DLG2: variants seen among roughly 807,000 people sequenced by gnomAD.
DLG2 encodes the protein discs large MAGUK scaffold protein 2.
DLG2 carries 45 observed loss-of-function variants against 132.5 expected under a neutral mutation model. That is an observed-to-expected ratio of 0.34 (90% CI 0.27 to 0.44). The LOEUF (loss-of-function observed/expected upper bound fraction) is 0.44. DLG2 is among the 20% of genes least tolerant of loss of function. The pLI is 1.00. For missense variants in DLG2, 1,045 were observed against 1,196.9 expected, an observed-to-expected ratio of 0.87 and a Z score of 1.87; for synonymous variants, 424 against 419.6, an observed-to-expected ratio of 1.01 and a Z score of -0.13.
At chr11:84,751,354 G>A (rs1444036005) in intron 6 of DLG2, among the ~76,000 whole-genome samples, 1 of 152,006 alleles carries the variant, frequency 6.6e-6, no homozygotes, top group Non-Finnish European at 1.5e-5. Context: ...AAGAAACCAA[G>A]GTTCACAAAG....
intron 21 of DLG2, among the ~76,000 whole-genome samples, chr11:83,510,463 C>T (rs560532281): frequency 1.3e-5 from 2 of 152,268 alleles, no homozygotes; most frequent in African/African-American, 2.4e-5. Context: ...ATAATTCTCA[C>T]TTCTTCCTAC....
intron 6 of DLG2, among the ~76,000 whole-genome samples, chr11:84,714,195 C>G (rs1437074716): frequency 7.0e-6 from 1 of 143,620 alleles, no homozygotes; most frequent in East Asian, 2.0e-4. Flanking sequence ...AAAACATATA[C>G]CAAAATGGTC....
intron 12 of DLG2, among the ~76,000 whole-genome samples, chr11:83,969,813 T>C (rs1217134477): frequency 5.3e-5 from 8 of 152,132 alleles, no homozygotes; most frequent in Admixed American, 3.9e-4. Context: ...CCTCAGGTGA[T>C]TCACCCACCT....
At chr11:85,059,177 G>A (rs608647) in intron 6 of DLG2, among the ~76,000 whole-genome samples, 32,236 of 150,676 alleles carry the variant, frequency 0.21, 4,006 homozygotes, top group East Asian at 0.61. Flanking sequence ...AACCCAGACC[G>A]ATAAATATAT....
intron 9 of DLG2, among the ~76,000 whole-genome samples, chr11:84,151,066 T>G (rs943470655): frequency 1.3e-5 from 2 of 152,050 alleles, no homozygotes; most frequent in African/African-American, 2.4e-5. Context: ...TGGCTTGAAG[T>G]TGTCTTTTTT....
At chr11:83,795,495 T>C (rs1399520072) in intron 17 of DLG2, among the ~76,000 whole-genome samples, 1 of 152,050 alleles carries the variant, frequency 6.6e-6, no homozygotes, top group Non-Finnish European at 1.5e-5. Flanking sequence ...CATACACATA[T>C]ATATTCCATA....
chr11:83,627,337 T>G (rs1325541031), intron 19 of DLG2, among the ~76,000 whole-genome samples: 1 of 152,064 alleles, frequency 6.6e-6, no homozygotes, highest in Non-Finnish European at 1.5e-5. Flanking sequence ...TAGGTATATC[T>G]CCTAATGCTA....
At chr11:83,745,964 G>A (rs965711490) in intron 18 of DLG2, among the ~76,000 whole-genome samples, 3 of 152,126 alleles carry the variant, frequency 2.0e-5, no homozygotes, top group African/African-American at 4.8e-5. Context: ...GCAGCCAACA[G>A]ACACATGAAA....
At chr11:83,768,706 T>G (rs569143853) in intron 18 of DLG2, among the ~76,000 whole-genome samples, 1 of 152,336 alleles carries the variant, frequency 6.6e-6, no homozygotes, top group Admixed American at 6.5e-5. Flanking sequence ...CCTGAGGCCA[T>G]GCATATAAGT....
intron 7 of DLG2, among the ~76,000 whole-genome samples, chr11:84,275,680 G>T (rs1406673328): frequency 6.6e-6 from 1 of 152,120 alleles, no homozygotes; most frequent in Non-Finnish European, 1.5e-5. Context: ...TAGTACTTTG[G>T]ACAAATGAAT....
Position 84,637,199 on chromosome 11 carries a change from G to T in DLG2, c.358-102468C>A, listed in dbSNP as rs118097601. Among the ~76,000 whole-genome samples the T allele has an allele frequency of 5.3e-5, 8 of 152,294 alleles. No individual in the cohort carries two copies. In the East Asian group the frequency reaches 1.5e-3, roughly 29 times the overall value. ...CAGGCCAGAGGACAGGCTACAAGGA[G>T]AGTCAGATAAGGCCACCTCGAGAAG... On this transcript the variant is annotated intron_variant, in intron 6 of 27. Transcript: ENST00000376104.
intron 9 of DLG2, among the ~76,000 whole-genome samples, chr11:84,116,454 G>A (rs2093637202): frequency 6.6e-6 from 1 of 152,158 alleles, no homozygotes; most frequent in Non-Finnish European, 1.5e-5. Flanking sequence ...GGCTGGGGAG[G>A]TCTCACGATC....
At chr11:84,771,899 A>G (rs2069469180) in intron 6 of DLG2, among the ~76,000 whole-genome samples, 1 of 152,230 alleles carries the variant, frequency 6.6e-6, no homozygotes, top group Non-Finnish European at 1.5e-5. Flanking sequence ...ATGTACAAAA[A>G]GCAGTAGCAT....
intron 8 of DLG2, among the ~76,000 whole-genome samples, chr11:84,229,693 G>A (rs528243264): frequency 6.6e-6 from 1 of 152,334 alleles, no homozygotes; most frequent in South Asian, 2.1e-4. Flanking sequence ...TTAGAGCACA[G>A]TCACTGCTTG....
At chr11:83,683,526 A>G (rs1270327018) in intron 18 of DLG2, among the ~76,000 whole-genome samples, 2 of 152,216 alleles carry the variant, frequency 1.3e-5, no homozygotes, top group Non-Finnish European at 2.9e-5. Context: ...TAGAAAGGAT[A>G]AAAAGATAAG....
chr11:84,601,679 A>C (rs10898274), intron 6 of DLG2, among the ~76,000 whole-genome samples: 9,521 of 152,216 alleles, frequency 0.063, 454 homozygotes, highest in South Asian at 0.19. Context: ...TGTTAAATGA[A>C]AGATCCAAAG....
chr11:85,495,842 T>G (rs549003685), intron 3 of DLG2, among the ~76,000 whole-genome samples: 1 of 152,334 alleles, frequency 6.6e-6, no homozygotes, highest in East Asian at 1.9e-4. Context: ...ATGTTTATTG[T>G]GGCACTATTT....
chr11:84,143,133 A>C (rs2154241353), intron 9 of DLG2, among the ~76,000 whole-genome samples: 1 of 152,184 alleles, frequency 6.6e-6, no homozygotes, highest in Non-Finnish European at 1.5e-5. Flanking sequence ...ACCTTGTGCC[A>C]GGTGCTGGGA....
At chr11:83,769,460 AAC>A (rs771343040) in intron 18 of DLG2, among the ~76,000 whole-genome samples, 2 of 152,098 alleles carry the variant, frequency 1.3e-5, no homozygotes, top group Non-Finnish European at 2.9e-5. Context: ...GAAAGGCAAC[AAC>A]ACAAGATGCT....
Sources: allele counts gnomAD v4.1 joint callset (sites outside exome capture counted in the v4.1 genomes callset), GRCh38; gene constraint gnomAD v4.1.1; transcripts MANE v1.5; gene names NCBI Gene and HGNC (gene_info 2026-07-23, HGNC 2026-07-21).